Variants in CDH12 observed in about 807,000 individuals in gnomAD.
The protein encoded by CDH12 is cadherin 12.
In CDH12, 41 loss-of-function variants were observed where a neutral mutation model predicts 74.1. The observed-to-expected ratio is 0.55, with a 90% CI of 0.43 to 0.72. The LOEUF (loss-of-function observed/expected upper bound fraction) is 0.72, where lower values mean the gene tolerates loss of function less well. Among genes scored for constraint, CDH12 ranks in the 30% least tolerant of loss-of-function variants. The pLI is 0.00. For missense variants in CDH12, 945 were observed against 977.2 expected, an observed-to-expected ratio of 0.97 and a Z score of 0.44; for synonymous variants, 399 against 355.0, an observed-to-expected ratio of 1.12 and a Z score of -1.39.
intron 4 of CDH12, among the ~76,000 whole-genome samples, chr5:22,082,271 T>C (rs1742789495): frequency 6.6e-6 from 1 of 152,172 alleles, no homozygotes; most frequent in Non-Finnish European, 1.5e-5. Flanking sequence ...AACTTTCACC[T>C]TTTCACATAA....
intron 11 of CDH12, chr5:21,779,164 TC>T (rs776291211): frequency 6.6e-6 from 1 of 152,282 alleles, no homozygotes; most frequent in South Asian, 2.1e-4. Flanking sequence ...TAAAATATAT[TC>T]TAAGGATTTA....
chr5:22,445,628 T>A (rs1487126287), intron 2 of CDH12, among the ~76,000 whole-genome samples: 1 of 152,134 alleles, frequency 6.6e-6, no homozygotes, highest in Non-Finnish European at 1.5e-5. Flanking sequence ...AACCTCCCTT[T>A]TATATCCAAA....
At chr5:21,801,940 T>C (rs1747133432) in intron 10 of CDH12, among the ~76,000 whole-genome samples, 1 of 152,190 alleles carries the variant, frequency 6.6e-6, no homozygotes, top group African/African-American at 2.4e-5. Context: ...CAGACCTCTA[T>C]TGGTTATAAC....
chr5:22,292,987 CTTGTAACCCACATCCATTCCCAAT>C (rs1198568280), intron 3 of CDH12, among the ~76,000 whole-genome samples: 2 of 148,830 alleles, frequency 1.3e-5, no homozygotes, highest in Non-Finnish European at 3.0e-5. Flanking sequence ...CTGTTCCCAA[CTTGTAACCCACATCCATTCCCAAT>C]CTGTAACCCA....
At chr5:22,774,434 G>A (rs533754668) in intron 1 of CDH12, among the ~76,000 whole-genome samples, 2 of 152,146 alleles carry the variant, frequency 1.3e-5, no homozygotes, top group East Asian at 1.9e-4. Context: ...GGGTACACAC[G>A]TGACATGGTT....
At chr5:22,511,885 T>A (rs1736625802) in intron 1 of CDH12, among the ~76,000 whole-genome samples, 1 of 152,166 alleles carries the variant, frequency 6.6e-6, no homozygotes. Flanking sequence ...AACTAATGAA[T>A]TCATGAAAAT....
chr5:22,219,199 C>T (rs958403817), intron 3 of CDH12, among the ~76,000 whole-genome samples: 6 of 151,664 alleles, frequency 4.0e-5, no homozygotes, highest in Non-Finnish European at 5.9e-5. Flanking sequence ...CAATAAATTA[C>T]GAGAAATTAT....
intron 3 of CDH12, among the ~76,000 whole-genome samples, chr5:22,247,612 C>G (rs1016242900): frequency 1.3e-5 from 2 of 151,754 alleles, no homozygotes; most frequent in Non-Finnish European, 2.9e-5. Context: ...GAGACAGAGG[C>G]TGCAGTGAGC....
At chr5:21,943,250 CAG>C (rs1473220649) in intron 6 of CDH12, among the ~76,000 whole-genome samples, 3 of 152,078 alleles carry the variant, frequency 2.0e-5, no homozygotes, top group South Asian at 4.2e-4. Flanking sequence ...TGGATTAATA[CAG>C]AGAGTCTACA....
chr5:22,613,904 ATTTAT>A (rs1737549408), intron 1 of CDH12, among the ~76,000 whole-genome samples: 1 of 152,098 alleles, frequency 6.6e-6, no homozygotes, highest in Non-Finnish European at 1.5e-5. Context: ...CTTTTATTAG[ATTTAT>A]TTTATATTTT....
At chr5:22,781,578 G>T (rs189995171) in intron 1 of CDH12, among the ~76,000 whole-genome samples, 3 of 152,242 alleles carry the variant, frequency 2.0e-5, no homozygotes, top group Non-Finnish European at 2.9e-5. Flanking sequence ...GAACTGAAAA[G>T]CTTTGTTAGC....
chr5:22,313,617 T>G (rs2150430682), intron 3 of CDH12, among the ~76,000 whole-genome samples: 1 of 152,274 alleles, frequency 6.6e-6, no homozygotes. Flanking sequence ...GAAAATGTGA[T>G]ATATATACAC....
At chr5:22,355,636 A>C (rs971411268) in intron 3 of CDH12, among the ~76,000 whole-genome samples, 4 of 152,084 alleles carry the variant, frequency 2.6e-5, no homozygotes, top group African/African-American at 9.7e-5. Flanking sequence ...GGAGAACTTA[A>C]AAAGCTGTGC....
intron 1 of CDH12, among the ~76,000 whole-genome samples, chr5:22,539,535 C>T (rs535506811): frequency 6.6e-5 from 10 of 152,270 alleles, no homozygotes; most frequent in Non-Finnish European, 8.8e-5. Flanking sequence ...CACAACCAAT[C>T]GTCTCCTTGC....
At position 21,935,037 on chromosome 5, in the gene CDH12, C is replaced by T. The variant is rs534895004; in HGVS notation, c.526+40054G>A. On this transcript the variant is annotated intron_variant, in intron 6 of 14. Coordinates refer to ENST00000382254, the MANE Select transcript of CDH12 (RefSeq NM_004061.5). ...TCCTGACTTCGTGATCCGCCCACCT[C>T]GGCCTCCCAAAGTGGTGGGATTACA... Among the ~76,000 whole-genome samples, 9 of 152,242 alleles carry T rather than the reference C, an allele frequency of 5.9e-5. No homozygotes were observed. In the South Asian group the frequency reaches 1.9e-3, roughly 32 times the overall value.
chr5:21,948,468 T>G (rs1425900378), intron 6 of CDH12, among the ~76,000 whole-genome samples: 1 of 152,244 alleles, frequency 6.6e-6, no homozygotes. Flanking sequence ...TTTGACTAAT[T>G]TCTCCAATTT....
At chr5:21,963,297 C>A (rs1290326018) in intron 6 of CDH12, among the ~76,000 whole-genome samples, 1 of 152,054 alleles carries the variant, frequency 6.6e-6, no homozygotes, top group East Asian at 1.9e-4. Context: ...TGTCCCTCTA[C>A]CCCTACCTCT....
chr5:21,884,432 T>C (rs1752521594), intron 6 of CDH12: 1 of 864,084 alleles, frequency 1.2e-6, no homozygotes, highest in Non-Finnish European at 2.0e-6. Context: ...TGGCTGAAAA[T>C]CACTATAACC....
intron 1 of CDH12, among the ~76,000 whole-genome samples, chr5:22,538,416 C>T (rs1402217693): frequency 6.6e-6 from 1 of 152,206 alleles, no homozygotes; most frequent in East Asian, 1.9e-4. Flanking sequence ...GATTTCTAAA[C>T]ACCAGCATCC....
Sources: gnomAD v4.1 joint callset for allele counts (sites outside exome capture counted in the v4.1 genomes callset) on GRCh38, gnomAD v4.1.1 for gene constraint, MANE v1.5 for transcripts, NCBI Gene and HGNC (gene_info 2026-07-23, HGNC 2026-07-21) for gene names.